PCDH15: variants seen among roughly 807,000 people sequenced by gnomAD.
PCDH15 encodes the protein protocadherin related 15.
A neutral mutation model predicts 178.5 loss-of-function variants in PCDH15; 129 were observed. That is an observed-to-expected ratio of 0.72 (90% confidence interval 0.63 to 0.84). PCDH15 has a LOEUF of 0.84. PCDH15 is among the 40% of genes least tolerant of loss of function. PCDH15 has a pLI of 0.00. For missense variants in PCDH15, 2,230 were observed against 2,099.9 expected (o/e 1.06, Z -1.21); for synonymous variants, 800 against 732.0 (o/e 1.09, Z -1.50).
chr10:54,436,607 T>C (rs548350333), intron 3 of PCDH15, among the ~76,000 whole-genome samples: 36 of 152,284 alleles, frequency 2.4e-4, no homozygotes, highest in Non-Finnish European at 5.1e-4. Flanking sequence ...AATTTGTTCA[T>C]TTAATTGATT....
intron 2 of PCDH15, among the ~76,000 whole-genome samples, chr10:55,610,151 T>A (rs1001112706): frequency 6.6e-6 from 1 of 152,056 alleles, no homozygotes; most frequent in Non-Finnish European, 1.5e-5. Flanking sequence ...AAGAAGAAGT[T>A]GCAAACTCTA....
chr10:53,854,072 T>C (rs961228131), intron 28 of PCDH15, among the ~76,000 whole-genome samples: 2 of 152,004 alleles, frequency 1.3e-5, no homozygotes. Context: ...ACTATTCAGC[T>C]CTATAAAGGA....
chr10:54,928,433 T>A (rs1210365328), intron 2 of PCDH15, among the ~76,000 whole-genome samples: 1 of 152,092 alleles, frequency 6.6e-6, no homozygotes, highest in Non-Finnish European at 1.5e-5. Context: ...TGATCTTTTG[T>A]GAAGTATTTT....
At chr10:54,842,183 CGT>C (rs35175067) in intron 3 of PCDH15, among the ~76,000 whole-genome samples, 145,989 of 150,066 alleles carry the variant, frequency 0.97, 71,112 homozygotes, top group East Asian at 1. Flanking sequence ...TGTATGTGTG[CGT>C]GTGTGTGTGT....
intron 3 of PCDH15, among the ~76,000 whole-genome samples, chr10:54,863,629 A>G (rs1387804746): frequency 6.6e-6 from 1 of 152,208 alleles, no homozygotes; most frequent in Non-Finnish European, 1.5e-5. Flanking sequence ...TAAGAGCCAG[A>G]AGAGATAATA....
rs116654176 is a variant in PCDH15, at chr10:54,113,518, G to A, written c.1917+19357C>T. 1.2e-3 allele frequency among the ~76,000 whole-genome samples: 190 copies of A among 152,124 alleles called. 1 individual carries two copies. The highest frequency in any genetic ancestry group is 3.9e-3 in the African/African-American group (162 of 41,518). On this transcript the variant is annotated intron_variant, in intron 15 of 37. Coordinates refer to ENST00000644397, the MANE Select transcript of PCDH15 (RefSeq NM_001384140.1). The stretch of plus-strand genomic sequence containing the variant: ...TGGCTTGAGTTTGTTAATTTGTACC[G>A]TGTCCTCATATGCACACTTTCTCAA...
At chr10:53,932,015 C>T (rs191713348) in intron 25 of PCDH15, among the ~76,000 whole-genome samples, 272 of 152,248 alleles carry the variant, frequency 1.8e-3, no homozygotes, top group African/African-American at 5.9e-3. Flanking sequence ...AGGTAGGTAG[C>T]GAAGTTCCTA....
At chr10:54,827,367 A>T (rs1953149595) in intron 3 of PCDH15, among the ~76,000 whole-genome samples, 1 of 152,172 alleles carries the variant, frequency 6.6e-6, no homozygotes, top group Admixed American at 6.6e-5. Context: ...AGATGATAAC[A>T]TTCAATAATC....
At chr10:54,391,521 AG>A (rs1456393795) in intron 3 of PCDH15, among the ~76,000 whole-genome samples, 1 of 152,058 alleles carries the variant, frequency 6.6e-6, no homozygotes, top group African/African-American at 2.4e-5. Flanking sequence ...AGTAGGGTAT[AG>A]GGGAACTATA....
chr10:54,679,416 C>T (rs763089508), intron 1 of PCDH15, among the ~76,000 whole-genome samples: 5 of 152,146 alleles, frequency 3.3e-5, no homozygotes, highest in Non-Finnish European at 7.4e-5. Flanking sequence ...GGGAGAAATA[C>T]TGTTCACAGA....
At chr10:54,210,341 G>A (rs1250343129) in intron 10 of PCDH15, among the ~76,000 whole-genome samples, 1 of 152,044 alleles carries the variant, frequency 6.6e-6, no homozygotes, top group Non-Finnish European at 1.5e-5. Context: ...GTGCCAGGGA[G>A]AAAATAATTA....
chr10:55,334,900 T>C (rs1240641972), intron 2 of PCDH15, among the ~76,000 whole-genome samples: 6 of 152,206 alleles, frequency 3.9e-5, no homozygotes, highest in Non-Finnish European at 7.3e-5. Context: ...AGAACTATTA[T>C]TAGATTATAC....
At chr10:54,696,889 G>T (rs1186731030) in intron 1 of PCDH15, among the ~76,000 whole-genome samples, 1 of 152,014 alleles carries the variant, frequency 6.6e-6, no homozygotes, top group Non-Finnish European at 1.5e-5. Flanking sequence ...CTATGTATGT[G>T]TATTTTTCCC....
intron 8 of PCDH15, among the ~76,000 whole-genome samples, chr10:54,245,446 A>ACAGCCCCTCAG (rs2055826095): frequency 6.6e-6 from 1 of 152,132 alleles, no homozygotes; most frequent in Non-Finnish European, 1.5e-5. Flanking sequence ...ATTATGATAG[A>ACAGCCCCTCAG]TATTGACTTT....
chr10:54,724,788 T>C (rs1269811183), intron 1 of PCDH15, among the ~76,000 whole-genome samples: 1 of 151,158 alleles, frequency 6.6e-6, no homozygotes, highest in Non-Finnish European at 1.5e-5. Context: ...TATACATATA[T>C]ACATATATAT....
At chr10:55,561,707 T>C (rs1435594513) in intron 2 of PCDH15, among the ~76,000 whole-genome samples, 2 of 151,726 alleles carry the variant, frequency 1.3e-5, no homozygotes, top group Admixed American at 6.6e-5. Flanking sequence ...AATACCAGAG[T>C]AAACCTGTGG....
At chr10:55,421,310 A>T (rs1331525552) in intron 2 of PCDH15, among the ~76,000 whole-genome samples, 6 of 151,192 alleles carry the variant, frequency 4.0e-5, no homozygotes, top group Non-Finnish European at 7.4e-5. Flanking sequence ...TATCTAATAA[A>T]TTTTTTAAAT....
Position 54,317,382 on chromosome 10 carries a change from A to G in PCDH15, c.765T>C (p.Val255=), listed in dbSNP as rs2133651808. 2 of 1,613,986 alleles carry G rather than the reference A, an allele frequency of 1.2e-6. No individual in the cohort carries two copies. The highest frequency in any genetic ancestry group is 8.5e-7 in the Non-Finnish European group (1 of 1,179,946). Residue 255 remains valine (V), a synonymous_variant, in exon 8 of 38, where the codon GTT becomes GTC. Coordinates refer to ENST00000644397, the MANE Select transcript of PCDH15 (RefSeq NM_001384140.1). ...TTGGACCCAAGTCATCTCCATCCAG[A>G]ACATCCACTGTGAGAGTGGTGGTGG... ...RTTTTTLTVD[V]LDGDDLGPMF... is the part of the protein sequence containing the mutation.
intron 2 of PCDH15, among the ~76,000 whole-genome samples, chr10:54,622,160 C>A (rs1182554812): frequency 6.6e-6 from 1 of 151,686 alleles, no homozygotes; most frequent in African/African-American, 2.4e-5. Flanking sequence ...AGTACCATCC[C>A]TGTCATAGGA....
Sources: allele counts gnomAD v4.1 joint callset (sites outside exome capture counted in the v4.1 genomes callset), GRCh38; gene constraint gnomAD v4.1.1; transcripts MANE v1.5; gene names NCBI Gene and HGNC (gene_info 2026-07-23, HGNC 2026-07-21).